Variants in CHIA observed in about 807,000 individuals in gnomAD.
The protein encoded by CHIA is acidic mammalian chitinase.
CHIA carries 47 observed loss-of-function variants against 53.5 expected under a neutral mutation model. That is an observed-to-expected ratio of 0.88 (90% CI 0.70 to 1.12). CHIA has a LOEUF of 1.12. CHIA is among the 50% of genes most tolerant of loss of function. The pLI is 0.00. For synonymous variants in CHIA, 268 were observed against 222.2 expected (o/e 1.21, Z -1.83); for missense variants, 652 against 592.2 (o/e 1.10, Z -1.05).
intron 1 of CHIA, 100 bp from the exon 2 acceptor site, chr1:111,310,300 G>A (rs1239323362): frequency 1.7e-5 from 23 of 1,347,730 alleles, no homozygotes; most frequent in Non-Finnish European, 2.2e-5. Context: ...TGGTGGGAGG[G>A]TGTAGGTTGA....
At chr1:111,297,882 C>A (rs1647307866) in intron 1 of CHIA, among the ~76,000 whole-genome samples, 1 of 93,580 alleles carries the variant, frequency 1.1e-5, no homozygotes. Context: ...GGAGGAAGAT[C>A]TACCAAGCAA....
chr1:111,300,136 C>T (rs770426114), intron 1 of CHIA, among the ~76,000 whole-genome samples: 65 of 152,116 alleles, frequency 4.3e-4, no homozygotes, highest in Admixed American at 2.1e-3. Context: ...GAATTAATAT[C>T]GTGAAAATGG....
chr1:111,304,256 G>A (rs1488985828), intron 1 of CHIA, among the ~76,000 whole-genome samples: 2 of 152,144 alleles, frequency 1.3e-5, no homozygotes, highest in Non-Finnish European at 1.5e-5. Context: ...TGAGTTCTTG[G>A]ATGTCTATAT....
At chr1:111,295,504 C>T (rs78847706) in intron 1 of CHIA, among the ~76,000 whole-genome samples, 6,257 of 152,268 alleles carry the variant, frequency 0.041, 186 homozygotes, top group East Asian at 0.12. Flanking sequence ...TTCATAAAAG[C>T]CTCATAATCC....
In CHIA at chr1:111,318,695, G is replaced by A. The variant is rs374753380; in HGVS notation, c.915+17G>A. The stretch of plus-strand genomic sequence containing the variant: ...TACTACGAGGTATGTAGATTGGACT[G>A]AAAAGTGCTCTGTGAATTCCGTGCA... On this transcript the variant is annotated intron_variant, in intron 9 of 11. Transcript: ENST00000369740. The A allele has an allele frequency of 6.2e-7, 1 of 1,604,722 alleles. No homozygotes were observed. The highest frequency in any genetic ancestry group is 1.3e-5 in the African/African-American group (1 of 74,674).
chr1:111,291,205 T>G (rs1233622669), intron 1 of CHIA, among the ~76,000 whole-genome samples: 1 of 152,124 alleles, frequency 6.6e-6, no homozygotes, highest in Non-Finnish European at 1.5e-5. Flanking sequence ...TAAAGACACA[T>G]GCACACGTAT....
chr1:111,303,636 C>A (rs1647941006), intron 1 of CHIA, among the ~76,000 whole-genome samples: 1 of 152,098 alleles, frequency 6.6e-6, no homozygotes, highest in Admixed American at 6.6e-5. Flanking sequence ...TCTTTTACAG[C>A]CCCATTCCCT....
chr1:111,314,660 C>T, intron 5 of CHIA, 64 bp downstream of exon 5: 2 of 1,148,366 alleles, frequency 1.7e-6, no homozygotes, highest in Non-Finnish European at 2.6e-6. Context: ...CCCATGTGAT[C>T]ACTGTCCCTT....
chr1:111,312,357 ACT>A lies in CHIA; in HGVS notation c.228_229del (p.Tyr77ProfsTer9), dbSNP rs1648760053. 6.2e-7 allele frequency: 1 copy of A among 1,613,952 alleles called. No homozygotes were observed. The highest frequency in any genetic ancestry group is 8.5e-7 in the Non-Finnish European group (1 of 1,180,008). Reference protein sequence around the residue: ...EITTIEWNDVTLYQAFNGLKN... With the variant: ...EITTIEWNDVXLYQAFNGLKN... ...CACCACCATCGAATGGAATGATGTG[ACT>A]CTCTACCAAGCTTTCAATGGCCTGA... On this transcript the variant is annotated frameshift_variant, in exon 4 of 12. Coordinates refer to ENST00000369740, the MANE Select transcript of CHIA (RefSeq NM_201653.4). LOFTEE classifies it high-confidence loss of function.
chr1:111,301,904 C>T (rs9662740), intron 1 of CHIA, among the ~76,000 whole-genome samples: 1 of 151,160 alleles, frequency 6.6e-6, no homozygotes, highest in African/African-American at 2.4e-5. Context: ...GGGCCTGTTG[C>T]GGGGTGGGGG....
chr1:111,319,092 T>A (rs2786161), intron 9 of CHIA, 28 bp from the exon 10 acceptor site: 1,077,414 of 1,596,328 alleles, frequency 0.67, 368,308 homozygotes, highest in South Asian at 0.74. Context: ...TAACATTTAA[T>A]AGATTTGAAT....
At chr1:111,305,123 T>C (rs1056974435) in intron 1 of CHIA, among the ~76,000 whole-genome samples, 3 of 152,146 alleles carry the variant, frequency 2.0e-5, no homozygotes, top group Non-Finnish European at 1.5e-5. Context: ...AAGCCTGAAA[T>C]ATAAACTTAA....
Position 111,314,801 on chromosome 1 carries a change from T to A in CHIA, c.314+205T>A, listed in dbSNP as rs952072489. The A allele has an allele frequency of 1.3e-5, 7 of 534,390 alleles. No homozygotes were observed. In the African/African-American group the frequency reaches 1.4e-4, roughly 10 times the overall value. 33.1% of individuals were successfully genotyped at this position (534,390 alleles called of 1,614,324 possible). On this transcript the variant is annotated intron_variant, in intron 5 of 11. Transcript: ENST00000369740. ...TTTCATACATTTAATTTGGTGGACA[T>A]TTGGGGGCCCTATCCACAGAGGTTT... is the stretch of plus-strand genomic sequence containing the variant.
chr1:111,292,932 T>G lies in CHIA; in HGVS notation c.-69+1982T>G, dbSNP rs558041999. On this transcript the variant is annotated intron_variant, in intron 1 of 11. Coordinates refer to ENST00000369740, the MANE Select transcript of CHIA (RefSeq NM_201653.4). ...CAAGTCAGAATTTCCTTTTAAAGGCTGAATAATACTTTATTGTATGTATAT... is the reference window on the plus strand; with the variant it reads ...CAAGTCAGAATTTCCTTTTAAAGGCGGAATAATACTTTATTGTATGTATAT... 1.8e-4 allele frequency among the ~76,000 whole-genome samples: 28 copies of G among 152,338 alleles called. No homozygotes were observed. In the South Asian group the frequency reaches 3.9e-3, roughly 21 times the overall value.
In CHIA at chr1:111,305,163, C is replaced by T. The variant is rs536303873; in HGVS notation, c.-68-5237C>T. Among the ~76,000 whole-genome samples, 3 of 152,268 alleles carry T rather than the reference C, an allele frequency of 2.0e-5. No individual in the cohort carries two copies. In the East Asian group the frequency reaches 5.8e-4, roughly 29 times the overall value. On this transcript the variant is annotated intron_variant, in intron 1 of 11. Transcript: ENST00000369740. Reference sequence around the variant, plus strand: ...TTCACAGGTCTTTTCTGAGCCTTTCCTTGGGCATATGCAGTGACTTTCTAA... The same window carrying T: ...TTCACAGGTCTTTTCTGAGCCTTTCTTTGGGCATATGCAGTGACTTTCTAA...
intron 2 of CHIA, 70 bp downstream of exon 2, chr1:111,310,562 C>T: frequency 6.2e-7 from 1 of 1,611,326 alleles, no homozygotes; most frequent in Non-Finnish European, 8.5e-7. Flanking sequence ...CTCTGAAAAT[C>T]ATGAAGTGGT....
chr1:111,298,256 T>A (rs1341683622), intron 1 of CHIA, among the ~76,000 whole-genome samples: 1 of 152,188 alleles, frequency 6.6e-6, no homozygotes, highest in Admixed American at 6.5e-5. Context: ...AATAGACATC[T>A]GCAGAACTCT....
At chr1:111,316,957 T>C (rs546838967) in intron 6 of CHIA, 1 of 152,226 alleles carries the variant, frequency 6.6e-6, no homozygotes, top group Non-Finnish European at 1.5e-5. Flanking sequence ...TTCTTCCTGC[T>C]GAAGCAACAG....
At chr1:111,293,642 A>T (rs374067707) in intron 1 of CHIA, among the ~76,000 whole-genome samples, 1 of 152,242 alleles carries the variant, frequency 6.6e-6, no homozygotes, top group Admixed American at 6.5e-5. Context: ...TTTAGGTGTC[A>T]TATCCAACAA....
Sources: gnomAD v4.1 joint callset for allele counts (sites outside exome capture counted in the v4.1 genomes callset) on GRCh38, gnomAD v4.1.1 for gene constraint, MANE v1.5 for transcripts, NCBI Gene and HGNC (gene_info 2026-07-23, HGNC 2026-07-21) for gene names.